Variants in KLRF1 observed in about 807,000 individuals in gnomAD.
The protein encoded by KLRF1 is killer cell lectin like receptor F1, also known as killer cell lectin-like receptor subfamily F member 1.
A neutral mutation model predicts 30.7 loss-of-function variants in KLRF1; 27 were observed. That is an observed-to-expected ratio of 0.88 (90% CI 0.65 to 1.21). The LOEUF is 1.21. Among genes scored for constraint, KLRF1 ranks in the 50% most tolerant of loss-of-function variants. KLRF1 has a pLI of 0.00. For missense variants in KLRF1, 246 were observed against 259.3 expected, an observed-to-expected ratio of 0.95 and a Z score of 0.35; for synonymous variants, 92 against 89.3, an observed-to-expected ratio of 1.03 and a Z score of -0.17.
At position 9,844,797 on chromosome 12, in the gene KLRF1, C is replaced by T; in HGVS notation, c.*271C>T. 1 of 191,748 alleles carries T rather than the reference C, an allele frequency of 5.2e-6. No homozygotes were observed. Among genetic ancestry groups the T allele is most frequent in the Non-Finnish European group, 1.1e-5 (1 of 93,234 alleles). The allele number at this position is 191,748 out of a possible 1,614,324, so 11.9% of individuals were successfully genotyped here. ...TTTTTATTCGTCGCTTATTTTATGC[C>T]AAATGTGATCAAATTATGCCTGTTT... On this transcript the variant is annotated 3_prime_UTR_variant, in exon 6 of 6. Coordinates refer to ENST00000617889, the MANE Select transcript of KLRF1 (RefSeq NM_016523.3).
rs76608083 is a variant in KLRF1 at position 9,831,969 on chromosome 12, A to G, written c.86-347A>G. On this transcript the variant is annotated intron_variant, in intron 1 of 5. Transcript: ENST00000617889. ...AAAGTGTTTATGTGGATACACATGT[A>G]TTATCTGTAAATGCATGTGCATGTT... 7.4e-3 allele frequency among the ~76,000 whole-genome samples: 1,121 copies of G among 152,298 alleles called. 18 individuals are homozygous for G. The highest frequency in any genetic ancestry group is 0.024 in the African/African-American group (1,000 of 41,574).
At chr12:9,812,094 G>A in the KLRF1 span, among the ~76,000 whole-genome samples, 4 of 152,130 alleles carry the variant, frequency 2.6e-5, no homozygotes, top group Admixed American at 6.5e-5. Context: ...GGCCGGGCGC[G>A]GTGGCTCACG....
the KLRF1 span, among the ~76,000 whole-genome samples, chr12:9,812,328 G>A: frequency 2.1e-5 from 3 of 141,198 alleles, no homozygotes; most frequent in African/African-American, 8.0e-5. Context: ...TTGCACCACT[G>A]CACTCCAGCC....
the KLRF1 span, among the ~76,000 whole-genome samples, chr12:9,808,737 C>T: frequency 3.3e-5 from 5 of 152,116 alleles, no homozygotes; most frequent in South Asian, 1.0e-3. Flanking sequence ...AGTAAATATC[C>T]ATATGTGTAA....
chr12:9,822,174 T>C, the KLRF1 span, among the ~76,000 whole-genome samples: 1 of 152,320 alleles, frequency 6.6e-6, no homozygotes, highest in Admixed American at 6.5e-5. Context: ...CAGAGCTGAC[T>C]GAAATGACAG....
chr12:9,803,881 A>C, the KLRF1 span, among the ~76,000 whole-genome samples: 2 of 151,998 alleles, frequency 1.3e-5, no homozygotes, highest in Admixed American at 1.3e-4. Flanking sequence ...GTCAGTCCAA[A>C]TTTGTTCTTC....
At chr12:9,828,087 T>G (rs1867321406) in intron 1 of KLRF1, among the ~76,000 whole-genome samples, 1 of 151,986 alleles carries the variant, frequency 6.6e-6, no homozygotes, top group African/African-American at 2.4e-5. Flanking sequence ...TAATGCTATT[T>G]TTTTTTTTTG....
Position 9,841,941 on chromosome 12 carries a change from A to G in KLRF1, c.464A>G (p.Gln155Arg). Reference sequence around the variant, plus strand: ...TCTCATCTACTAATCATACATGACCAACTTGAAATGGTAATTGGTCTAGTA... The same window carrying G: ...TCTCATCTACTAATCATACATGACCGACTTGAAATGGTAATTGGTCTAGTA... Reference protein sequence around the residue: ...RKSHLLIIHDQLEMAFIQKNL... With the variant: ...RKSHLLIIHDRLEMAFIQKNL... The change falls in exon 4 of 6, where the codon CAA (glutamine) becomes CGA (arginine). Residue 155 changes from glutamine to arginine, a missense_variant. Physicochemically the swap from Gln to Arg is conservative, Grantham distance 43 (BLOSUM62 1). Coordinates refer to ENST00000617889, the MANE Select transcript of KLRF1 (RefSeq NM_016523.3). 2 of 1,611,196 alleles carry G rather than the reference A, an allele frequency of 1.2e-6. No individual in the cohort carries two copies. The highest frequency in any genetic ancestry group is 1.7e-6 in the Non-Finnish European group (2 of 1,178,552).
At chr12:9,810,664 A>G in the KLRF1 span, among the ~76,000 whole-genome samples, 1 of 152,158 alleles carries the variant, frequency 6.6e-6, no homozygotes, top group Non-Finnish European at 1.5e-5. Context: ...TAGGTGCTAG[A>G]CCTCCTATAT....
chr12:9,825,780 G>A (rs1420064286), upstream of KLRF1, among the ~76,000 whole-genome samples: 1 of 152,124 alleles, frequency 6.6e-6, no homozygotes, highest in Non-Finnish European at 1.5e-5. Flanking sequence ...TTTGACAAAG[G>A]TCTAATATCC....
chr12:9,806,988 T>C, the KLRF1 span, among the ~76,000 whole-genome samples: 2 of 152,132 alleles, frequency 1.3e-5, no homozygotes, highest in Admixed American at 6.5e-5. Context: ...GGCCTATGTC[T>C]TCTGTTTTCT....
At chr12:9,839,046 G>A (rs1258197462) in intron 3 of KLRF1, among the ~76,000 whole-genome samples, 1 of 152,052 alleles carries the variant, frequency 6.6e-6, no homozygotes, top group African/African-American at 2.4e-5. Flanking sequence ...GAGGCCATGT[G>A]GATGGGCCTT....
the KLRF1 span, among the ~76,000 whole-genome samples, chr12:9,807,661 G>A: frequency 6.6e-6 from 1 of 152,010 alleles, no homozygotes; most frequent in African/African-American, 2.4e-5. Flanking sequence ...GTTGATTCAA[G>A]TTACTGTTGA....
chr12:9,832,216 C>A, intron 1 of KLRF1, 100 bp from the exon 2 acceptor site: 2 of 619,540 alleles, frequency 3.2e-6, no homozygotes, highest in Non-Finnish European at 2.8e-6. Context: ...TCTTTTGAAA[C>A]CAAAACTAAT....
At chr12:9,832,619 C>T (rs1867459434) in intron 2 of KLRF1, among the ~76,000 whole-genome samples, 1 of 151,184 alleles carries the variant, frequency 6.6e-6, no homozygotes, top group Admixed American at 6.6e-5. Flanking sequence ...CCTCAAGTGG[C>T]ATACAGTCTA....
At chr12:9,809,273 A>G in the KLRF1 span, among the ~76,000 whole-genome samples, 1 of 152,194 alleles carries the variant, frequency 6.6e-6, no homozygotes, top group Non-Finnish European at 1.5e-5. Flanking sequence ...AATTTTAGGT[A>G]AAATCAATAC....
At chr12:9,817,589 C>T in the KLRF1 span, 1 of 307,452 alleles carries the variant, frequency 3.3e-6, no homozygotes, top group Admixed American at 4.3e-5. Context: ...CAACTTTGGC[C>T]ACACCGGGTT....
intron 2 of KLRF1, among the ~76,000 whole-genome samples, chr12:9,832,697 G>A (rs1867464695): frequency 6.6e-6 from 1 of 151,476 alleles, no homozygotes; most frequent in South Asian, 2.1e-4. Context: ...GTATGTGTGT[G>A]TATGTGTGGT....
intron 3 of KLRF1, among the ~76,000 whole-genome samples, chr12:9,839,243 G>A (rs1408585036): frequency 6.6e-5 from 10 of 151,978 alleles, no homozygotes; most frequent in African/African-American, 1.9e-4. Flanking sequence ...ATGGCAGATC[G>A]CAGAATGACT....
Sources: gnomAD v4.1 joint callset for allele counts (sites outside exome capture counted in the v4.1 genomes callset) on GRCh38, gnomAD v4.1.1 for gene constraint, MANE v1.5 for transcripts, NCBI Gene and HGNC (gene_info 2026-07-23, HGNC 2026-07-21) for gene names.